Variants in ZBTB7C observed in about 807,000 individuals in gnomAD.
The protein encoded by ZBTB7C is zinc finger and BTB domain-containing protein 7C.
In ZBTB7C, 8 loss-of-function variants were observed where a neutral mutation model predicts 25.7. The observed-to-expected ratio is 0.31, with a 90% confidence interval of 0.18 to 0.56. The LOEUF (loss-of-function observed/expected upper bound fraction) is 0.56, where lower values mean the gene tolerates loss of function less well. ZBTB7C is among the 20% of genes least tolerant of loss of function. The pLI is 0.91. For synonymous variants in ZBTB7C, 394 were observed against 369.0 expected (o/e 1.07, Z -0.78); for missense variants, 824 against 855.2 (o/e 0.96, Z 0.46).
intron 3 of ZBTB7C, among the ~76,000 whole-genome samples, chr18:48,087,372 G>A (rs2038229977): frequency 6.6e-6 from 1 of 152,230 alleles, no homozygotes; most frequent in Admixed American, 6.5e-5. Context: ...GGGCCAGGGA[G>A]ACTTACAGAC....
chr18:48,282,529 G>C (rs1051620675), intron 2 of ZBTB7C, among the ~76,000 whole-genome samples: 2 of 152,158 alleles, frequency 1.3e-5, no homozygotes, highest in East Asian at 3.9e-4. Context: ...TAACACAAAT[G>C]TTTACAATAA....
chr18:48,187,636 AC>A (rs1346099891), intron 2 of ZBTB7C, among the ~76,000 whole-genome samples: 2 of 151,910 alleles, frequency 1.3e-5, no homozygotes, highest in Non-Finnish European at 2.9e-5. Flanking sequence ...ACACGGTGAA[AC>A]CCCGTCTCTA....
chr18:48,365,529 C>T (rs553993814), intron 1 of ZBTB7C, among the ~76,000 whole-genome samples: 39 of 152,300 alleles, frequency 2.6e-4, no homozygotes, highest in South Asian at 2.5e-3. Context: ...ATGAATCCTA[C>T]GGCTATAGGA....
At chr18:48,308,237 C>G (rs1431015969) in intron 2 of ZBTB7C, among the ~76,000 whole-genome samples, 3 of 152,234 alleles carry the variant, frequency 2.0e-5, no homozygotes, top group African/African-American at 7.2e-5. Context: ...GCTTCTTCCA[C>G]TCCCTGCCCC....
intron 1 of ZBTB7C, among the ~76,000 whole-genome samples, chr18:48,340,369 G>A (rs1318625934): frequency 1.3e-5 from 2 of 152,196 alleles, no homozygotes; most frequent in African/African-American, 4.8e-5. Flanking sequence ...AGCCCTAAGT[G>A]CCCACCTCTA....
At chr18:48,335,444 G>A (rs530679299) in intron 2 of ZBTB7C, among the ~76,000 whole-genome samples, 151 of 152,258 alleles carry the variant, frequency 9.9e-4, no homozygotes, top group African/African-American at 2.8e-3. Context: ...CCCAGCAAGC[G>A]GCAGAGTCCT....
At chr18:48,149,157 CGTGTGTGCGA>C (rs1568257674) in intron 3 of ZBTB7C, 1 of 150,802 alleles carries the variant, frequency 6.6e-6, no homozygotes, top group East Asian at 1.9e-4. Flanking sequence ...TGTGCACGCA[CGTGTGTGCGA>C]GTGTGTGCAT....
intron 1 of ZBTB7C, among the ~76,000 whole-genome samples, chr18:48,395,793 G>A (rs923120135): frequency 1.3e-5 from 2 of 152,188 alleles, no homozygotes; most frequent in African/African-American, 2.4e-5. Flanking sequence ...CATTAGGGAA[G>A]TGCAATCCAG....
chr18:48,113,609 CA>C (rs1159021699), intron 3 of ZBTB7C, among the ~76,000 whole-genome samples: 22 of 152,174 alleles, frequency 1.4e-4, no homozygotes, highest in African/African-American at 4.6e-4. Flanking sequence ...AGGGGAAAGC[CA>C]AGAAAATCCA....
At chr18:48,321,761 C>A (rs1201132293) in intron 2 of ZBTB7C, among the ~76,000 whole-genome samples, 1 of 152,202 alleles carries the variant, frequency 6.6e-6, no homozygotes, top group East Asian at 1.9e-4. Flanking sequence ...GCTCACAGAG[C>A]CACTGAAGAT....
chr18:48,273,112 C>G (rs2044540923), intron 2 of ZBTB7C, among the ~76,000 whole-genome samples: 1 of 152,144 alleles, frequency 6.6e-6, no homozygotes, highest in African/African-American at 2.4e-5. Context: ...TTAAAAATCA[C>G]TGAATTGTAC....
chr18:48,040,926 T>C lies in ZBTB7C; in HGVS notation c.182A>G (p.Lys61Arg). ...VLAACSKYFK[K>R]LFTAGTLASQ... ...GGCTAGGGTGCCGGCTGTGAAAAGCTTCTTGAAGTACTTGCTGCAGGCAGC... is the reference window on the plus strand; with the variant it reads ...GGCTAGGGTGCCGGCTGTGAAAAGCCTCTTGAAGTACTTGCTGCAGGCAGC... The change falls in exon 4 of 5, where the codon AAG becomes AGG. Residue 61 changes from lysine to arginine, a missense_variant. Around this residue, in one of 4 missense-constraint regions of ZBTB7C, gnomAD observed 117 missense variants for 167.7 expected, o/e 0.70. Transcript: ENST00000590800. 6.2e-7 allele frequency: 1 copy of C among 1,614,146 alleles called. No individual in the cohort carries two copies. Among genetic ancestry groups the C allele is most frequent in the Non-Finnish European group, 8.5e-7 (1 of 1,180,036 alleles).
intron 3 of ZBTB7C, among the ~76,000 whole-genome samples, chr18:48,164,514 G>A (rs2041175916): frequency 6.6e-6 from 1 of 152,072 alleles, no homozygotes; most frequent in East Asian, 1.9e-4. Flanking sequence ...TTTCCCTTCT[G>A]TCTCCCTGTC....
chr18:48,157,506 A>G (rs1425255915), intron 3 of ZBTB7C, among the ~76,000 whole-genome samples: 1 of 152,184 alleles, frequency 6.6e-6, no homozygotes, highest in African/African-American at 2.4e-5. Context: ...ACCACTCGAC[A>G]GTTAATATTA....
At chr18:48,142,542 G>A (rs2040379938) in intron 3 of ZBTB7C, among the ~76,000 whole-genome samples, 1 of 152,166 alleles carries the variant, frequency 6.6e-6, no homozygotes, top group Non-Finnish European at 1.5e-5. Flanking sequence ...GAGGGCCCCA[G>A]GGCTGCCAGG....
chr18:48,177,547 A>G (rs776973414), intron 3 of ZBTB7C, among the ~76,000 whole-genome samples: 33 of 151,970 alleles, frequency 2.2e-4, no homozygotes, highest in Non-Finnish European at 2.9e-5. Flanking sequence ...CCTGGCCAAC[A>G]GGAGGGTGTG....
intron 3 of ZBTB7C, among the ~76,000 whole-genome samples, chr18:48,137,606 T>C (rs2040215637): frequency 6.6e-6 from 1 of 152,210 alleles, no homozygotes. Context: ...TACAGGGTCG[T>C]GAGTGTAACT....
In ZBTB7C at chr18:48,244,429, A is replaced by ATAAG. The variant is rs1599176117; in HGVS notation, c.-78-58435_-78-58434insCTTA. On this transcript the variant is annotated intron_variant, in intron 2 of 4. Coordinates refer to ENST00000590800, the MANE Select transcript of ZBTB7C (RefSeq NM_001318841.2). ...GACTCCATCTCAAATAAATAAATAA[A>ATAAG]TAAATATAGATGGGACTTAATTAAA... 2.0e-5 allele frequency among the ~76,000 whole-genome samples: 3 copies of ATAAG among 152,206 alleles called. No homozygotes were observed. In the East Asian group the frequency reaches 5.8e-4, roughly 29 times the overall value.
Position 48,278,134 on chromosome 18 carries a change from C to T in ZBTB7C, c.-79+60040G>A, listed in dbSNP as rs541889141. ...TTGTTCTGACCAACAGAATGTGGCACCAATGACCTTCTGGGCTTGACGTGA... is the reference window on the plus strand; with the variant it reads ...TTGTTCTGACCAACAGAATGTGGCATCAATGACCTTCTGGGCTTGACGTGA... On this transcript the variant is annotated intron_variant, in intron 2 of 4. Coordinates refer to ENST00000590800, the MANE Select transcript of ZBTB7C (RefSeq NM_001318841.2). 2.0e-5 allele frequency among the ~76,000 whole-genome samples: 3 copies of T among 152,356 alleles called. No homozygotes were observed. The South Asian group carries it at 6.2e-4, about 32-fold the overall frequency.
Sources: gnomAD v4.1 joint callset for allele counts (sites outside exome capture counted in the v4.1 genomes callset) on GRCh38, gnomAD v4.1.1 for gene constraint, gnomAD v4.1.1 regional missense constraint, MANE v1.5 for transcripts, NCBI Gene and HGNC (gene_info 2026-07-23, HGNC 2026-07-21) for gene names.